The following CRACD variants were observed in gnomAD, a reference collection of about 807,000 sequenced individuals.
CRACD encodes capping protein-inhibiting regulator of actin dynamics.
Under a neutral mutation model 106.8 loss-of-function variants are expected in CRACD, and 56 were observed. The observed-to-expected ratio is 0.52, with a 90% CI of 0.42 to 0.66. The LOEUF is 0.66. Ranked by LOEUF, CRACD falls within the 30% of genes least tolerant of loss-of-function variation. The pLI, the probability that CRACD is intolerant of heterozygous loss-of-function variation, is 0.00. For missense variants in CRACD, 1,730 were observed against 1,623.2 expected (o/e 1.07, Z -1.13); for synonymous variants, 754 against 670.8 (o/e 1.12, Z -1.92).
intron 2 of CRACD, among the ~76,000 whole-genome samples, chr4:56,240,991 A>G (rs746660736): frequency 6.6e-6 from 1 of 152,196 alleles, no homozygotes; most frequent in Non-Finnish European, 1.5e-5. Context: ...GGCCTGCATT[A>G]CAGTGGCTGC....
chr4:56,049,562 C>T (rs1260412310), intron 1 of CRACD, among the ~76,000 whole-genome samples: 1 of 152,134 alleles, frequency 6.6e-6, no homozygotes, highest in Admixed American at 6.5e-5. Context: ...CCGGGCTGCA[C>T]CCCGGGAACT....
intron 2 of CRACD, among the ~76,000 whole-genome samples, chr4:56,216,808 G>A (rs1028048552): frequency 6.6e-5 from 10 of 150,872 alleles, no homozygotes; most frequent in Admixed American, 2.0e-4. Context: ...GTGAAACCCC[G>A]TCTCTACTAA....
chr4:56,063,257 G>A (rs757295855), intron 1 of CRACD, among the ~76,000 whole-genome samples: 10 of 151,880 alleles, frequency 6.6e-5, no homozygotes, highest in Non-Finnish European at 1.0e-4. Context: ...GCAGTGGTGC[G>A]ATCATGGCTT....
chr4:56,274,335 A>G (rs984209304), intron 3 of CRACD, among the ~76,000 whole-genome samples: 2 of 152,180 alleles, frequency 1.3e-5, no homozygotes, highest in Non-Finnish European at 2.9e-5. Flanking sequence ...TTTAATACAA[A>G]ATGAGGTCAA....
chr4:56,167,643 A>T (rs762662995), intron 1 of CRACD, among the ~76,000 whole-genome samples: 3 of 152,200 alleles, frequency 2.0e-5, no homozygotes, highest in Non-Finnish European at 2.9e-5. Context: ...AGCTTATTTC[A>T]TTTAACATAA....
chr4:56,160,603 G>A (rs915424866), intron 1 of CRACD, among the ~76,000 whole-genome samples: 2 of 152,200 alleles, frequency 1.3e-5, no homozygotes, highest in African/African-American at 4.8e-5. Context: ...AAATAAAAGG[G>A]CACTGAATGC....
chr4:56,084,768 A>G (rs1315094613), intron 1 of CRACD, among the ~76,000 whole-genome samples: 1 of 152,186 alleles, frequency 6.6e-6, no homozygotes, highest in Non-Finnish European at 1.5e-5. Context: ...CATTCAAAGT[A>G]GAGAGCTAAC....
intron 10 of CRACD, among the ~76,000 whole-genome samples, chr4:56,325,238 G>A (rs1746361106): frequency 6.6e-6 from 1 of 152,228 alleles, no homozygotes; most frequent in African/African-American, 2.4e-5. Context: ...GGGAGGCTGA[G>A]GTGGGAAGAT....
chr4:56,053,598 C>T (rs1731947052), intron 1 of CRACD, among the ~76,000 whole-genome samples: 1 of 152,102 alleles, frequency 6.6e-6, no homozygotes, highest in Non-Finnish European at 1.5e-5. Context: ...AGGAGTGTAA[C>T]TCATAAATAA....
intron 2 of CRACD, among the ~76,000 whole-genome samples, chr4:56,222,762 G>A (rs953486608): frequency 1.3e-5 from 2 of 151,898 alleles, no homozygotes; most frequent in Non-Finnish European, 2.9e-5. Flanking sequence ...AGCCAACATG[G>A]TGAAACCCCA....
intron 1 of CRACD, among the ~76,000 whole-genome samples, chr4:56,152,876 T>C (rs1464711460): frequency 6.6e-6 from 1 of 152,232 alleles, no homozygotes; most frequent in Non-Finnish European, 1.5e-5. Context: ...AGGGAAGATT[T>C]ATTGCTTGCT....
At chr4:56,208,566 T>C (rs1321630541) in intron 2 of CRACD, among the ~76,000 whole-genome samples, 1 of 152,254 alleles carries the variant, frequency 6.6e-6, no homozygotes, top group Non-Finnish European at 1.5e-5. Flanking sequence ...GAATCTCATA[T>C]AGTTTTGCAA....
intron 4 of CRACD, chr4:56,301,275 A>T: frequency 1.6e-6 from 2 of 1,267,472 alleles, no homozygotes; most frequent in Non-Finnish European, 2.1e-6. Flanking sequence ...TAGTAACTTT[A>T]TTAACTTGCA....
intron 1 of CRACD, among the ~76,000 whole-genome samples, chr4:56,124,364 G>C (rs1399815504): frequency 6.6e-6 from 1 of 152,162 alleles, no homozygotes; most frequent in Non-Finnish European, 1.5e-5. Flanking sequence ...CTTGTTTCGT[G>C]TATATCCCAC....
intron 1 of CRACD, among the ~76,000 whole-genome samples, chr4:56,069,223 A>C (rs1732556013): frequency 6.6e-6 from 1 of 152,184 alleles, no homozygotes; most frequent in Admixed American, 6.5e-5. Context: ...TAAGCCACCC[A>C]GTTTGTGGTC....
intron 2 of CRACD, among the ~76,000 whole-genome samples, chr4:56,235,949 G>T (rs1015383622): frequency 6.6e-6 from 1 of 152,162 alleles, no homozygotes; most frequent in Non-Finnish European, 1.5e-5. Flanking sequence ...CACCATCCGT[G>T]CATGAATCTG....
chr4:56,297,609 T>A (rs1744126186), intron 3 of CRACD, among the ~76,000 whole-genome samples: 1 of 152,012 alleles, frequency 6.6e-6, no homozygotes, highest in South Asian at 2.1e-4. Flanking sequence ...AAATAAAAAT[T>A]TAAAAAGTTT....
intron 1 of CRACD, among the ~76,000 whole-genome samples, chr4:56,157,237 G>A (rs1735792298): frequency 6.6e-6 from 1 of 152,174 alleles, no homozygotes; most frequent in South Asian, 2.1e-4. Context: ...GGAGGCCAAG[G>A]TGAGAGGATC....
intron 2 of CRACD, among the ~76,000 whole-genome samples, chr4:56,220,036 T>C (rs1441133172): frequency 2.6e-5 from 4 of 152,184 alleles, no homozygotes; most frequent in African/African-American, 9.7e-5. Flanking sequence ...TTATATTTGA[T>C]TGAAAGAGGA....
Sources: gnomAD v4.1 joint callset for allele counts (sites outside exome capture counted in the v4.1 genomes callset) on GRCh38, gnomAD v4.1.1 for gene constraint, MANE v1.5 for transcripts, NCBI Gene and HGNC (gene_info 2026-07-23, HGNC 2026-07-21) for gene names.